RNF213: variants seen among roughly 807,000 people sequenced by gnomAD.
RNF213 encodes E3 ubiquitin-protein ligase RNF213.
Under a neutral mutation model 514.4 loss-of-function variants are expected in RNF213, and 341 were observed. The ratio of observed to expected loss-of-function variants is 0.66; its 90% CI spans 0.61 to 0.73. The LOEUF (loss-of-function observed/expected upper bound fraction) is 0.73, where lower values mean the gene tolerates loss of function less well. RNF213 is among the 30% of genes least tolerant of loss of function. RNF213 has a pLI of 0.00. For synonymous variants in RNF213, 2,655 were observed against 2,658.2 expected (o/e 1.00, Z 0.04); for missense variants, 5,767 against 6,615.6 (o/e 0.87, Z 4.45).
intron 31 of RNF213, 92 bp from the exon 32 acceptor site, chr17:80,351,593 C>G: frequency 1.3e-6 from 1 of 743,624 alleles, no homozygotes; most frequent in Non-Finnish European, 2.4e-6. Flanking sequence ...GAACACCCTT[C>G]TGCAGCTGCA....
Position 80,353,147 on chromosome 17 carries a change from G to C in RNF213, c.10423+88G>C. ...GCGTGGCGTGCACATGGCACTAGGAGCAGGGCCACCGTGTTTCGTCCCTCG... is the reference window on the plus strand; with the variant it reads ...GCGTGGCGTGCACATGGCACTAGGACCAGGGCCACCGTGTTTCGTCCCTCG... On this transcript the variant is annotated intron_variant, in intron 33 of 67. Transcript: ENST00000582970. This position sits in a 1 kb window ranked among gnomAD's most constrained non-coding sequence, Gnocchi z 5.0. 1 of 1,556,350 alleles carries C rather than the reference G, an allele frequency of 6.4e-7. No individual in the cohort carries two copies. The highest frequency in any genetic ancestry group is 8.8e-7 in the Non-Finnish European group (1 of 1,140,576).
chr17:80,262,488 G>A (rs2043459169), intron 1 of RNF213, among the ~76,000 whole-genome samples: 1 of 152,104 alleles, frequency 6.6e-6, no homozygotes, highest in African/African-American at 2.4e-5. Flanking sequence ...TGCTCTCAGA[G>A]GAACTGGCGA....
chr17:80,297,142 A>G (rs1365543661), intron 10 of RNF213, among the ~76,000 whole-genome samples: 1 of 152,004 alleles, frequency 6.6e-6, no homozygotes, highest in East Asian at 1.9e-4. Context: ...TTATAGGCTC[A>G]ACCCTTACGT....
chr17:80,352,801 A>G (rs1306555698), intron 32 of RNF213, 139 bp from the exon 33 acceptor site: 3 of 1,338,020 alleles, frequency 2.2e-6, no homozygotes, highest in Non-Finnish European at 2.1e-6. Context: ...GGCCCATTCC[A>G]GGGTTTCGGC....
chr17:80,398,311 T>C lies in RNF213; in HGVS notation c.*4813T>C, dbSNP rs948544320. 4 of 152,072 alleles carry C rather than the reference T, an allele frequency of 2.6e-5. No homozygotes were observed. The highest frequency in any genetic ancestry group is 9.7e-5 in the African/African-American group (4 of 41,394). The allele number at this position is 152,072 out of a possible 1,614,324, so 9.4% of individuals were successfully genotyped here. ...TGGTATGCGTGTAGGGTGAGCGTAA[T>C]GTTTTGTCTTGAAGAAGCATGGGTC... On this transcript the variant is annotated 3_prime_UTR_variant, in exon 68 of 68. Transcript: ENST00000582970.
At chr17:80,273,955 C>T (rs1003866467) in intron 3 of RNF213, among the ~76,000 whole-genome samples, 2 of 152,104 alleles carry the variant, frequency 1.3e-5, no homozygotes, top group Non-Finnish European at 2.9e-5. Context: ...ACCCAATACT[C>T]GTGTGTCTCC....
chr17:80,345,632 C>T lies in RNF213; in HGVS notation c.7297C>T (p.Leu2433Phe). 6.2e-7 allele frequency: 1 copy of T among 1,614,178 alleles called. No homozygotes were observed. The highest frequency in any genetic ancestry group is 1.1e-5 in the South Asian group (1 of 91,084). Residue 2433 changes from leucine to phenylalanine, a missense_variant, in exon 29 of 68, where the codon CTT (leucine) becomes TTT (phenylalanine). Leu to Phe is a conservative substitution (Grantham distance 22). Coordinates refer to ENST00000582970, the MANE Select transcript of RNF213 (RefSeq NM_001256071.3). The surrounding 1 kb of genome is among the most constrained non-coding windows in gnomAD (Gnocchi z 6.0). ...TGGGAAAACCAGGCTTATTAAATTC[C>T]TTAGCGACCTGCGGCGTGGTGGTAC... The part of the protein sequence containing the change: ...GCGKTRLIKF[L>F]SDLRRGGTNA...
chr17:80,390,658 A>G (rs949657742), intron 67 of RNF213, among the ~76,000 whole-genome samples: 1 of 152,096 alleles, frequency 6.6e-6, no homozygotes, highest in African/African-American at 2.4e-5. Flanking sequence ...TGGCCTCTCA[A>G]AGTGCTAGAA....
At chr17:80,329,120 C>T (rs994700428) in intron 20 of RNF213, among the ~76,000 whole-genome samples, 2 of 152,198 alleles carry the variant, frequency 1.3e-5, no homozygotes, top group Non-Finnish European at 2.9e-5. Flanking sequence ...TGGAGTCTCC[C>T]TCCACCTCCT....
rs2078078016 is a variant in RNF213 at position 80,339,228 on chromosome 17, C to G, written c.4861C>G (p.Gln1621Glu). Residue 1621 changes from glutamine to glutamate, a missense_variant, in exon 26 of 68, where the codon CAG (glutamine) becomes GAG (glutamate). Around this residue, in one of 13 missense-constraint regions of RNF213, gnomAD observed 1,377 missense variants for 1,635.2 expected, o/e 0.84. Transcript: ENST00000582970. ...CTTCTGCAGTGTGCAGAGGCTCAGC[C>G]AGGCCTTCATCGACCTGCACTCTGC... Reference protein sequence around the residue: ...EVFCSVQRLSQAFIDLHSAGN... With the variant: ...EVFCSVQRLSEAFIDLHSAGN... The G allele has an allele frequency of 4.0e-6, 6 of 1,499,630 alleles. No individual in the cohort carries two copies. Among genetic ancestry groups the G allele is most frequent in the Non-Finnish European group, 5.3e-6 (6 of 1,125,826 alleles). The allele number at this position is 1,499,630 out of a possible 1,614,324, so 92.9% of individuals were successfully genotyped here.
At chr17:80,289,608 A>AAT (rs71163947) in intron 5 of RNF213, 51 bp from the exon 6 acceptor site, 2 of 1,570,024 alleles carry the variant, frequency 1.3e-6, no homozygotes, top group Non-Finnish European at 1.7e-6. Context: ...AAAAAAAAAA[A>AAT]GAAAATGTGG....
chr17:80,352,912 C>T lies in RNF213; in HGVS notation c.10304-28C>T, dbSNP rs376512471. ...GCAGCAGCCGGGAAAGACACAAAGA[C>T]AGTTGTGGGTGGCTTCACTCTTCAC... On this transcript the variant is annotated intron_variant, in intron 32 of 67. Coordinates refer to ENST00000582970, the MANE Select transcript of RNF213 (RefSeq NM_001256071.3). 5.1e-5 allele frequency: 82 copies of T among 1,613,904 alleles called. No individual in the cohort carries two copies. In the African/African-American group the frequency reaches 9.7e-4, roughly 19 times the overall value.
Position 80,289,770 on chromosome 17 carries a change from G to A in RNF213, c.1045G>A (p.Ala349Thr), listed in dbSNP as rs2044623813. Residue 349 changes from alanine (A) to threonine (T), a missense_variant, in exon 6 of 68, where the codon GCA becomes ACA. Transcript: ENST00000582970. Reference protein sequence around the residue: ...LKKPEGKNRSAAAVKNEKEQK... With the variant: ...LKKPEGKNRSTAAVKNEKEQK... ...GAAGCCAGAGGGGAAGAACAGAAGTGCAGCTGCTGTGAAAAACGAGAAGGA... is the reference window on the plus strand; with the variant it reads ...GAAGCCAGAGGGGAAGAACAGAAGTACAGCTGCTGTGAAAAACGAGAAGGA... 6.2e-7 allele frequency: 1 copy of A among 1,613,744 alleles called. No homozygotes were observed. The highest frequency in any genetic ancestry group is 1.3e-5 in the African/African-American group (1 of 74,874).
At chr17:80,308,048 T>C (rs1464406001) in intron 13 of RNF213, among the ~76,000 whole-genome samples, 2 of 152,118 alleles carry the variant, frequency 1.3e-5, no homozygotes, top group Non-Finnish European at 2.9e-5. Flanking sequence ...AAGGTAGCTT[T>C]ATATAATTAT....
chr17:80,294,111 T>C (rs989254927), intron 8 of RNF213, among the ~76,000 whole-genome samples: 4 of 152,166 alleles, frequency 2.6e-5, no homozygotes, highest in Non-Finnish European at 5.9e-5. Context: ...GTTTTCTAAT[T>C]ATTTTACAGT....
intron 17 of RNF213, chr17:80,319,878 C>T: frequency 8.8e-7 from 1 of 1,133,044 alleles, no homozygotes; most frequent in African/African-American, 1.6e-5. Context: ...GGACACTTAA[C>T]CCCTGTACAA....
chr17:80,294,245 C>G (rs906806458), intron 8 of RNF213, among the ~76,000 whole-genome samples: 1 of 152,246 alleles, frequency 6.6e-6, no homozygotes, highest in Non-Finnish European at 1.5e-5. Context: ...TCTGTGCCAG[C>G]TGGGCAGCCT....
At chr17:80,335,975 T>C (rs1292597566) in intron 22 of RNF213, among the ~76,000 whole-genome samples, 186 bp from the exon 23 acceptor site, 2 of 67,602 alleles carry the variant, frequency 3.0e-5, no homozygotes, top group Non-Finnish European at 6.3e-5. Flanking sequence ...AGACTCTGTC[T>C]CAAAAAAAAA....
Position 80,369,482 on chromosome 17 carries a change from T to A in RNF213, c.12156-20T>A. The stretch of plus-strand genomic sequence containing the variant: ...TTTGGGAAACACCATCCACCTGTCT[T>A]CTGTTTCTCGTGTTCTAAGGGAAGC... On this transcript the variant is annotated intron_variant, in intron 44 of 67. Transcript: ENST00000582970. The A allele has an allele frequency of 6.2e-7, 1 of 1,611,056 alleles. No homozygotes were observed. The highest frequency in any genetic ancestry group is 8.5e-7 in the Non-Finnish European group (1 of 1,178,594).
Sources: allele counts gnomAD v4.1 joint callset (sites outside exome capture counted in the v4.1 genomes callset), GRCh38; gene constraint gnomAD v4.1.1; regional missense constraint gnomAD v4.1.1; non-coding constraint Gnocchi (gnomAD v3.1); transcripts MANE v1.5; gene names NCBI Gene and HGNC (gene_info 2026-07-23, HGNC 2026-07-21).